Variants in RBFOX1 observed in about 807,000 individuals in gnomAD.
The protein encoded by RBFOX1 is RNA binding fox-1 homolog 1.
In RBFOX1, 8 loss-of-function variants were observed where a neutral mutation model predicts 57.7. The ratio of observed to expected loss-of-function variants is 0.14; its 90% CI spans 0.08 to 0.25. The LOEUF (loss-of-function observed/expected upper bound fraction) is 0.25, where lower values mean the gene tolerates loss of function less well. Among genes scored for constraint, RBFOX1 ranks in the 10% least tolerant of loss-of-function variants. The pLI, the probability that RBFOX1 is intolerant of heterozygous loss-of-function variation, is 1.00. For missense variants in RBFOX1, 611 were observed against 548.5 expected (o/e 1.11, Z -1.14); for synonymous variants, 326 against 222.4 (o/e 1.47, Z -4.15).
chr16:5,550,879 A>G (rs2045434812), intron 2 of RBFOX1, among the ~76,000 whole-genome samples: 1 of 152,198 alleles, frequency 6.6e-6, no homozygotes, highest in Admixed American at 6.5e-5. Context: ...TAATCTCAGA[A>G]TGCAGGACTG....
At chr16:6,387,060 C>G (rs112205626) in intron 2 of RBFOX1, among the ~76,000 whole-genome samples, 238 of 152,228 alleles carry the variant, frequency 1.6e-3, no homozygotes, top group African/African-American at 5.5e-3. Context: ...AATTGAAATG[C>G]AAGGGGAAAT....
At chr16:5,548,415 CA>C (rs1342295672) in intron 2 of RBFOX1, among the ~76,000 whole-genome samples, 2 of 151,202 alleles carry the variant, frequency 1.3e-5, no homozygotes, top group Non-Finnish European at 2.9e-5. Flanking sequence ...CACACAAAAA[CA>C]GAATGAATAA....
At chr16:5,855,649 A>G (rs559286366) in intron 3 of RBFOX1, among the ~76,000 whole-genome samples, 7 of 152,272 alleles carry the variant, frequency 4.6e-5, no homozygotes, top group East Asian at 1.9e-4. Flanking sequence ...TCGAAATCAG[A>G]ACATATGTGA....
chr16:5,507,505 C>A (rs1034405659), intron 2 of RBFOX1, among the ~76,000 whole-genome samples: 1 of 152,246 alleles, frequency 6.6e-6, no homozygotes, highest in Non-Finnish European at 1.5e-5. Context: ...CAGAGAGCCA[C>A]GTACTCTGTT....
chr16:7,017,756 C>G (rs1313990811), intron 3 of RBFOX1, among the ~76,000 whole-genome samples: 4 of 152,150 alleles, frequency 2.6e-5, no homozygotes, highest in Non-Finnish European at 5.9e-5. Flanking sequence ...AACTTCCAAA[C>G]AAACACTGAT....
chr16:6,548,842 A>C (rs1317647200), intron 2 of RBFOX1, among the ~76,000 whole-genome samples: 1 of 151,848 alleles, frequency 6.6e-6, no homozygotes, highest in Non-Finnish European at 1.5e-5. Context: ...TTGGGAGGCC[A>C]AGGTGTGTGG....
At chr16:5,297,737 A>G (rs1445194466) in intron 1 of RBFOX1, among the ~76,000 whole-genome samples, 1 of 152,182 alleles carries the variant, frequency 6.6e-6, no homozygotes, top group Non-Finnish European at 1.5e-5. Context: ...GTGTTTCTCA[A>G]TTTAGGACAA....
At chr16:5,297,969 C>T (rs2063709083) in intron 1 of RBFOX1, among the ~76,000 whole-genome samples, 1 of 152,144 alleles carries the variant, frequency 6.6e-6, no homozygotes, top group Non-Finnish European at 1.5e-5. Flanking sequence ...GTAGCCCAGA[C>T]ACTTTTGTAG....
At position 5,378,725 on chromosome 16, in the gene RBFOX1, G is replaced by A. The variant is rs548844566; in HGVS notation, c.220-88491G>A. ...GGACTCGGATATTCCCATGACTTAC[G>A]TTTTCTGAGCCTCAGTTTTGTCATC... On this transcript the variant is annotated intron_variant, in intron 1 of 2. Transcript: ENST00000585867. Among the ~76,000 whole-genome samples the A allele has an allele frequency of 3.6e-4, 55 of 151,588 alleles. 1 individual carries two copies. The highest frequency in any genetic ancestry group is 9.5e-4 in the African/African-American group (39 of 40,902).
At chr16:7,460,352 G>A (rs1032770404) in intron 4 of RBFOX1, among the ~76,000 whole-genome samples, 33 of 104,184 alleles carry the variant, frequency 3.2e-4, no homozygotes, top group African/African-American at 1.3e-3. Context: ...TATATGATTT[G>A]CCTTAATCAT....
chr16:5,525,489 CTATTTTTTTT>C (rs2044205326), intron 2 of RBFOX1, among the ~76,000 whole-genome samples: 1 of 99,442 alleles, frequency 1.0e-5, no homozygotes, highest in Non-Finnish European at 1.9e-5. Flanking sequence ...AGAGCCGACA[CTATTTTTTTT>C]TTTTTTTTTT....
chr16:6,648,880 G>A (rs2098554438), intron 2 of RBFOX1, among the ~76,000 whole-genome samples: 1 of 152,144 alleles, frequency 6.6e-6, no homozygotes, highest in African/African-American at 2.4e-5. Context: ...ACAACATGAT[G>A]TTTGGAATGT....
chr16:7,123,095 G>T (rs2067573918), intron 4 of RBFOX1, among the ~76,000 whole-genome samples: 1 of 152,152 alleles, frequency 6.6e-6, no homozygotes, highest in East Asian at 1.9e-4. Context: ...TTTTTGGGGT[G>T]ATGGAACTCT....
At chr16:5,307,157 A>G (rs1567311529) in intron 1 of RBFOX1, among the ~76,000 whole-genome samples, 1 of 152,030 alleles carries the variant, frequency 6.6e-6, no homozygotes, top group Non-Finnish European at 1.5e-5. Context: ...CGCTTATTAC[A>G]TTTCAGTTGG....
At chr16:5,606,538 C>T (rs73525619) in intron 3 of RBFOX1, among the ~76,000 whole-genome samples, 1,806 of 152,138 alleles carry the variant, frequency 0.012, 37 homozygotes, top group African/African-American at 0.041. Flanking sequence ...CCCCCAACTC[C>T]CTAAATTATA....
chr16:6,845,961 G>A (rs145818593), intron 3 of RBFOX1, among the ~76,000 whole-genome samples: 1 of 152,284 alleles, frequency 6.6e-6, no homozygotes, highest in African/African-American at 2.4e-5. Flanking sequence ...TTCTTCCTTA[G>A]GTGTTACTGA....
chr16:7,112,338 G>T (rs2064957661), intron 4 of RBFOX1, among the ~76,000 whole-genome samples: 1 of 151,532 alleles, frequency 6.6e-6, no homozygotes, highest in Non-Finnish European at 1.5e-5. Context: ...AAGTATCTGG[G>T]ACTACAGGCA....
intron 1 of RBFOX1, among the ~76,000 whole-genome samples, chr16:6,302,352 GC>G (rs1230140693): frequency 9.9e-5 from 15 of 152,108 alleles, no homozygotes; most frequent in African/African-American, 3.1e-4. Context: ...TTCATTGTCT[GC>G]TTTTCTGGAG....
intron 4 of RBFOX1, among the ~76,000 whole-genome samples, chr16:7,463,911 C>T (rs542753263): frequency 1.3e-5 from 2 of 152,280 alleles, no homozygotes; most frequent in East Asian, 3.9e-4. Flanking sequence ...TATTATTCAT[C>T]TCATTTTACA....
Sources: gnomAD v4.1 joint callset for allele counts (sites outside exome capture counted in the v4.1 genomes callset) on GRCh38, gnomAD v4.1.1 for gene constraint, MANE v1.5 for transcripts, NCBI Gene and HGNC (gene_info 2026-07-23, HGNC 2026-07-21) for gene names.